DTNBP1: variants seen among roughly 807,000 people sequenced by gnomAD.
The protein encoded by DTNBP1 is dysbindin.
DTNBP1 carries 35 observed loss-of-function variants against 42.8 expected under a neutral mutation model. That is an observed-to-expected ratio of 0.82 (90% CI 0.63 to 1.09). DTNBP1 has a LOEUF of 1.09. Ranked by LOEUF, DTNBP1 falls within the 50% of genes least tolerant of loss-of-function variation. DTNBP1 has a pLI of 0.00. For missense variants in DTNBP1, 457 were observed against 424.2 expected (o/e 1.08, Z -0.68); for synonymous variants, 171 against 162.2 (o/e 1.05, Z -0.41).
chr6:15,568,476 T>C (rs2113513508), intron 7 of DTNBP1, among the ~76,000 whole-genome samples: 1 of 152,352 alleles, frequency 6.6e-6, no homozygotes, highest in East Asian at 1.9e-4. Context: ...ACACAAACTT[T>C]GTCATGGAAA....
At chr6:15,654,801 T>C (rs1193444734) in intron 1 of DTNBP1, among the ~76,000 whole-genome samples, 2 of 152,220 alleles carry the variant, frequency 1.3e-5, no homozygotes, top group Admixed American at 1.3e-4. Context: ...ACTTATCTGA[T>C]CTGGATTTGA....
At chr6:15,621,472 G>A (rs564260633) in intron 5 of DTNBP1, among the ~76,000 whole-genome samples, 2 of 152,248 alleles carry the variant, frequency 1.3e-5, no homozygotes, top group African/African-American at 4.8e-5. Flanking sequence ...TAATAACGTG[G>A]GGACCAGATG....
intron 6 of DTNBP1, among the ~76,000 whole-genome samples, chr6:15,611,454 T>C (rs1758396330): frequency 6.6e-6 from 1 of 152,218 alleles, no homozygotes; most frequent in African/African-American, 2.4e-5. Flanking sequence ...GCAACACTGA[T>C]TCTGCAGCCT....
intron 7 of DTNBP1, among the ~76,000 whole-genome samples, chr6:15,579,166 T>C (rs888497621): frequency 6.6e-6 from 1 of 152,134 alleles, no homozygotes; most frequent in Non-Finnish European, 1.5e-5. Flanking sequence ...GACAGATGAA[T>C]GGATAAAGAA....
chr6:15,619,907 CT>C lies in DTNBP1; in HGVS notation c.356-4509del, dbSNP rs67536821. Among the ~76,000 whole-genome samples, 406 of 144,448 alleles carry C rather than the reference CT, an allele frequency of 2.8e-3. 1 individual carries two copies. The highest frequency in any genetic ancestry group is 0.015 in the South Asian group (70 of 4,574). The allele number at this position is 144,448 out of a possible 152,430, so 94.8% of individuals were successfully genotyped here. A position where few individuals can be genotyped will look rare whatever the true frequency, so the allele number is the denominator to read the frequency against. The stretch of plus-strand genomic sequence containing the variant: ...TGCTATAAAATAGTAGGTCTTATTC[CT>C]TTTTTTTTTTTGACACTTTCTAATA... On this transcript the variant is annotated intron_variant, in intron 5 of 9. Coordinates refer to ENST00000344537, the MANE Select transcript of DTNBP1 (RefSeq NM_032122.5).
intron 6 of DTNBP1, among the ~76,000 whole-genome samples, chr6:15,599,975 C>T (rs932824445): frequency 2.0e-5 from 3 of 152,072 alleles, no homozygotes; most frequent in African/African-American, 7.2e-5. Context: ...TGCAGTCATG[C>T]CCCACCACTT....
At chr6:15,571,509 G>A (rs1208303452) in intron 7 of DTNBP1, among the ~76,000 whole-genome samples, 1 of 152,128 alleles carries the variant, frequency 6.6e-6, no homozygotes, top group Non-Finnish European at 1.5e-5. Context: ...CCACTGCTCT[G>A]GGGTTTCAGT....
At chr6:15,628,821 T>C (rs867810367) in intron 4 of DTNBP1, among the ~76,000 whole-genome samples, 1 of 152,228 alleles carries the variant, frequency 6.6e-6, no homozygotes, top group South Asian at 2.1e-4. Flanking sequence ...TACAAAATTA[T>C]TTGTATGTAG....
chr6:15,577,295 T>C (rs1406951843), intron 7 of DTNBP1, among the ~76,000 whole-genome samples: 1 of 152,154 alleles, frequency 6.6e-6, no homozygotes, highest in Non-Finnish European at 1.5e-5. Flanking sequence ...CCACATGTGA[T>C]GGGAGGCCAC....
chr6:15,633,480 C>G (rs1010130570), intron 4 of DTNBP1, among the ~76,000 whole-genome samples: 1 of 152,092 alleles, frequency 6.6e-6, no homozygotes, highest in African/African-American at 2.4e-5. Flanking sequence ...GGGTTCAAGG[C>G]TTCAGAAGTA....
At chr6:15,580,627 A>G (rs1004297291) in intron 7 of DTNBP1, among the ~76,000 whole-genome samples, 1 of 152,188 alleles carries the variant, frequency 6.6e-6, no homozygotes, top group African/African-American at 2.4e-5. Context: ...ATGTCTATAT[A>G]TGTGTGTGTG....
chr6:15,646,546 A>T (rs1316718993), intron 3 of DTNBP1, among the ~76,000 whole-genome samples: 1 of 152,044 alleles, frequency 6.6e-6, no homozygotes. Context: ...TCAAAAAAAG[A>T]GCCTGAATAG....
chr6:15,548,446 C>CACACAG (rs1554159380), intron 7 of DTNBP1: 1 of 145,782 alleles, frequency 6.9e-6, no homozygotes, highest in Non-Finnish European at 1.5e-5. Flanking sequence ...CAGACACACA[C>CACACAG]ACACACACAC....
At chr6:15,630,252 A>C (rs1562001839) in intron 4 of DTNBP1, among the ~76,000 whole-genome samples, 1 of 152,198 alleles carries the variant, frequency 6.6e-6, no homozygotes, top group South Asian at 2.1e-4. Context: ...AAGTTTGATA[A>C]GCAGAATAAG....
At position 15,609,197 on chromosome 6, in the gene DTNBP1, T is replaced by C. The variant is rs1407719680; in HGVS notation, c.488+6070A>G. Among the ~76,000 whole-genome samples the C allele has an allele frequency of 4.6e-5, 7 of 152,052 alleles. No homozygotes were observed. The Middle Eastern group carries it at 0.014, about 296-fold the overall frequency. On this transcript the variant is annotated intron_variant, in intron 6 of 9. Transcript: ENST00000344537. ...TTTTTTTTTTAATACTTTTAAGTTA[T>C]AGGGTGCATGTGCTTCTAAAAGCTC...
chr6:15,631,757 G>A (rs939917011), intron 4 of DTNBP1, among the ~76,000 whole-genome samples: 1 of 152,146 alleles, frequency 6.6e-6, no homozygotes, highest in East Asian at 1.9e-4. Flanking sequence ...CTGCAGGTTG[G>A]ATGTAATGCT....
In DTNBP1 at chr6:15,533,231, C is replaced by A. The variant is rs767576216; in HGVS notation, c.667+9G>T. The A allele has an allele frequency of 1.2e-6, 2 of 1,613,354 alleles. No individual in the cohort carries two copies. Among genetic ancestry groups the A allele is most frequent in the South Asian group, 2.2e-5 (2 of 91,052 alleles). On this transcript the variant is annotated intron_variant, in intron 8 of 9. Transcript: ENST00000344537. ...AGTCCCCACACCAGCAGCCCCAGCC[C>A]CCACTCGCCTCGCCGCTCTGCAATC...
At chr6:15,647,841 C>A (rs1304265977) in intron 3 of DTNBP1, among the ~76,000 whole-genome samples, 2 of 151,880 alleles carry the variant, frequency 1.3e-5, no homozygotes, top group Non-Finnish European at 2.9e-5. Flanking sequence ...TAAAAAAGAA[C>A]CAACATTGAC....
At chr6:15,648,017 T>C (rs763156296) in intron 3 of DTNBP1, among the ~76,000 whole-genome samples, 1 of 152,014 alleles carries the variant, frequency 6.6e-6, no homozygotes, top group Admixed American at 6.6e-5. Context: ...AACAAAATAC[T>C]GGCAAACTAA....
Sources: gnomAD v4.1 joint callset for allele counts (sites outside exome capture counted in the v4.1 genomes callset) on GRCh38, gnomAD v4.1.1 for gene constraint, MANE v1.5 for transcripts, NCBI Gene and HGNC (gene_info 2026-07-23, HGNC 2026-07-21) for gene names.